The following FRG1 variants were observed in gnomAD, a reference collection of about 807,000 sequenced individuals.
The protein encoded by FRG1 is protein FRG1.
FRG1 carries 19 observed loss-of-function variants against 37.0 expected under a neutral mutation model. That is an observed-to-expected ratio of 0.51 (90% CI 0.36 to 0.75). The LOEUF (loss-of-function observed/expected upper bound fraction) is 0.75, where lower values mean the gene tolerates loss of function less well. Among genes scored for constraint, FRG1 ranks in the 30% least tolerant of loss-of-function variants. The pLI, the probability that FRG1 is intolerant of heterozygous loss-of-function variation, is 0.00. For missense variants in FRG1, 243 were observed against 301.4 expected (o/e 0.81, Z 1.44); for synonymous variants, 73 against 96.5 (o/e 0.76, Z 1.43).
intron 1 of FRG1, chr4:189,941,759 G>A (rs981497792): frequency 3.1e-6 from 1 of 318,114 alleles, no homozygotes; most frequent in Non-Finnish European, 6.3e-6. Context: ...GGAGGAGGTC[G>A]TAATGGTAAT....
chr4:189,959,980 C>T (rs1361967860), intron 6 of FRG1: 22 of 750,766 alleles, frequency 2.9e-5, no homozygotes, highest in Non-Finnish European at 3.6e-5. Context: ...ACAGATCCCT[C>T]TTACTAAAGG....
intron 2 of FRG1, among the ~76,000 whole-genome samples, chr4:189,944,301 C>T (rs1437471479): frequency 2.6e-5 from 4 of 152,096 alleles, no homozygotes; most frequent in South Asian, 4.1e-4. Context: ...CTCAGCCTCC[C>T]GAGTAGCTGG....
At chr4:189,962,921 T>A (rs529858073) in intron 8 of FRG1, among the ~76,000 whole-genome samples, 172 bp from the exon 9 acceptor site, 1 of 152,324 alleles carries the variant, frequency 6.6e-6, no homozygotes, top group South Asian at 2.1e-4. Context: ...TTTATAAGAT[T>A]AGAATCCATT....
At chr4:189,956,592 G>A (rs1185740815) in intron 5 of FRG1, among the ~76,000 whole-genome samples, 2 of 152,128 alleles carry the variant, frequency 1.3e-5, no homozygotes, top group East Asian at 3.9e-4. Context: ...ATCCAGATGA[G>A]AGACCACCCA....
intron 2 of FRG1, among the ~76,000 whole-genome samples, chr4:189,950,810 T>G (rs111571497): frequency 3.9e-5 from 6 of 152,180 alleles, no homozygotes; most frequent in African/African-American, 7.2e-5. Context: ...CACACATTTT[T>G]TCTTAGAAAA....
intron 6 of FRG1, among the ~76,000 whole-genome samples, chr4:189,958,280 T>G (rs1179555598): frequency 6.6e-6 from 1 of 152,124 alleles, no homozygotes; most frequent in African/African-American, 2.4e-5. Context: ...TATGCATCAG[T>G]TTGTAGATGT....
chr4:189,944,723 A>T (rs1431877962), intron 2 of FRG1, among the ~76,000 whole-genome samples: 1 of 151,818 alleles, frequency 6.6e-6, no homozygotes, highest in African/African-American at 2.4e-5. Flanking sequence ...CTTTCTATGT[A>T]TTGGTCTGTT....
At position 189,940,948 on chromosome 4, in the gene FRG1, C is replaced by G. The variant is rs4145513; in HGVS notation, c.-62C>G. 16,030 of 1,376,732 alleles carry G rather than the reference C, an allele frequency of 0.012. 141 individuals are homozygous for G. Among genetic ancestry groups the G allele is most frequent in the Non-Finnish European group, 0.014 (13,813 of 971,300 alleles). 85.3% of individuals were successfully genotyped at this position (1,376,732 alleles called of 1,614,324 possible). A position where few individuals can be genotyped will look rare whatever the true frequency, so the allele number is the denominator to read the frequency against. The stretch of plus-strand genomic sequence containing the variant: ...CTGTTTCTCCGCGCCCCTGTGCTGC[C>G]CCGACTCACATACTCGTCCAGAACC... On this transcript the variant is annotated 5_prime_UTR_variant, in exon 1 of 9. Transcript: ENST00000226798.
chr4:189,944,101 C>G (rs1447976308), intron 2 of FRG1, among the ~76,000 whole-genome samples: 1 of 152,186 alleles, frequency 6.6e-6, no homozygotes, highest in African/African-American at 2.4e-5. Context: ...TACATCCTTG[C>G]CAAGAGTTGA....
rs199518064 is a variant in FRG1, at chr4:189,943,234, A to G, written c.95A>G (p.Lys32Arg). 19 of 1,608,364 alleles carry G rather than the reference A, an allele frequency of 1.2e-5. No individual in the cohort carries two copies. In the Admixed American group the frequency reaches 2.2e-4, roughly 18 times the overall value. Residue 32 changes from lysine to arginine, a missense_variant, in exon 2 of 9, where the codon AAA becomes AGA. Lys to Arg is a conservative substitution (Grantham distance 26). Around this residue, in one of 2 missense-constraint regions of FRG1, gnomAD observed 110 missense variants for 102.2 expected, o/e 1.08. Transcript: ENST00000226798. ...KKKKSKDKKR[K>R]REEDEETQLD... is the part of the protein sequence containing the mutation. The stretch of plus-strand genomic sequence containing the variant: ...AAAAAGAGCAAAGATAAGAAAAGAA[A>G]AAGAGAAGAAGATGAAGAAACCCAG...
At chr4:189,955,196 G>C (rs752305110) in intron 5 of FRG1, 45 bp downstream of exon 5, 1 of 1,188,578 alleles carries the variant, frequency 8.4e-7, no homozygotes, top group Non-Finnish European at 1.3e-6. Flanking sequence ...CAGTTTAACA[G>C]AAAGTCTGTT....
chr4:189,953,805 C>T (rs1736864137), intron 4 of FRG1, among the ~76,000 whole-genome samples: 1 of 151,750 alleles, frequency 6.6e-6, no homozygotes, highest in African/African-American at 2.4e-5. Flanking sequence ...TCTGTACTTT[C>T]TTTGAAAGTC....
chr4:189,960,065 T>A lies in FRG1; in HGVS notation c.538-683T>A, dbSNP rs930149889. ...CCTCTAATCAGAACTGTCACAAAGA[T>A]GTCATTTGCACAAACACGTTATTTG... On this transcript the variant is annotated intron_variant, in intron 6 of 8. Transcript: ENST00000226798. 7 of 187,406 alleles carry A rather than the reference T, an allele frequency of 3.7e-5. No homozygotes were observed. In the Admixed American group the frequency reaches 4.6e-4, roughly 12 times the overall value. 11.6% of individuals were successfully genotyped at this position (187,406 alleles called of 1,614,324 possible). A position where few individuals can be genotyped will look rare whatever the true frequency, so the allele number is the denominator to read the frequency against.
chr4:189,955,181 C>CG (rs1292030889), intron 5 of FRG1, 30 bp downstream of exon 5: 1 of 1,359,648 alleles, frequency 7.4e-7, no homozygotes, highest in Non-Finnish European at 1.1e-6. Flanking sequence ...ATAAAAACTT[C>CG]CTGTCAGTTT....
Position 189,953,145 on chromosome 4 carries a change from T to C in FRG1, c.317+20T>C, listed in dbSNP as rs773584159. The C allele has an allele frequency of 5.2e-6, 8 of 1,551,072 alleles. No homozygotes were observed. Among genetic ancestry groups the C allele is most frequent in the Non-Finnish European group, 6.9e-6 (8 of 1,153,834 alleles). On this transcript the variant is annotated intron_variant, in intron 4 of 8. Transcript: ENST00000226798. ...TTCCAGGTGAGCTTATGTTGTAATA[T>C]AATTAGTAACCAGTTATTTTAAAAA...
intron 8 of FRG1, 28 bp downstream of exon 8, chr4:189,961,960 A>G (rs759636840): frequency 6.0e-6 from 7 of 1,157,918 alleles, no homozygotes; most frequent in Admixed American, 4.6e-5. Context: ...TATTTCCACT[A>G]TTTTCAGTAG....
intron 7 of FRG1, chr4:189,961,493 C>T (rs564292001): frequency 6.0e-4 from 103 of 171,680 alleles, no homozygotes; most frequent in Non-Finnish European, 9.6e-4. Context: ...TCGCAACCTC[C>T]GCTTCCCAGG....
At chr4:189,951,318 T>G (rs1736742363) in intron 2 of FRG1, among the ~76,000 whole-genome samples, 1 of 151,838 alleles carries the variant, frequency 6.6e-6, no homozygotes, top group South Asian at 2.1e-4. Flanking sequence ...TGAAACCCCG[T>G]GTCTACTAAA....
chr4:189,961,689 T>G, intron 7 of FRG1, 133 bp from the exon 8 acceptor site: 1 of 525,804 alleles, frequency 1.9e-6, no homozygotes, highest in Non-Finnish European at 3.3e-6. Flanking sequence ...ATTGCAGGCA[T>G]GAGCCACTGC....
Sources: allele counts gnomAD v4.1 joint callset (sites outside exome capture counted in the v4.1 genomes callset), GRCh38; gene constraint gnomAD v4.1.1; regional missense constraint gnomAD v4.1.1; transcripts MANE v1.5; gene names NCBI Gene and HGNC (gene_info 2026-07-23, HGNC 2026-07-21).